Variants in USH2A observed in about 807,000 individuals in gnomAD.
USH2A encodes the protein Usher syndrome 2A (autosomal recessive, mild).
USH2A carries 443 observed loss-of-function variants against 538.9 expected under a neutral mutation model. The ratio of observed to expected loss-of-function variants is 0.82; its 90% CI spans 0.76 to 0.89. The LOEUF (loss-of-function observed/expected upper bound fraction) is 0.89. Ranked by LOEUF, USH2A falls within the 40% of genes least tolerant of loss-of-function variation. The probability of loss-of-function intolerance (pLI) is 0.00; values close to 1 mark genes in which losing one functional copy is unlikely to be tolerated. For missense variants in USH2A, 6,633 were observed against 6,324.8 expected (o/e 1.05, Z -1.65); for synonymous variants, 2,413 against 2,273.5 (o/e 1.06, Z -1.75).
chr1:215,913,171 A>G (rs1419149507), intron 38 of USH2A, among the ~76,000 whole-genome samples: 1 of 152,122 alleles, frequency 6.6e-6, no homozygotes, highest in Non-Finnish European at 1.5e-5. Context: ...CTCCCTTGCC[A>G]GGCATCGTGC....
At chr1:215,954,218 A>T (rs1483238539) in intron 37 of USH2A, among the ~76,000 whole-genome samples, 1 of 152,148 alleles carries the variant, frequency 6.6e-6, no homozygotes, top group Non-Finnish European at 1.5e-5. Context: ...TACTGGGTAT[A>T]TACCCAAGGG....
chr1:215,872,671 C>T (rs1285999603), intron 43 of USH2A, among the ~76,000 whole-genome samples: 4 of 152,002 alleles, frequency 2.6e-5, no homozygotes, highest in Non-Finnish European at 5.9e-5. Flanking sequence ...GGATATTTGT[C>T]CCCTCCAAAT....
intron 40 of USH2A, among the ~76,000 whole-genome samples, chr1:215,893,838 G>A (rs562511571): frequency 2.6e-4 from 40 of 152,172 alleles, no homozygotes; most frequent in African/African-American, 9.6e-4. Context: ...AAAGGATTCC[G>A]TATTGGTCAT....
At chr1:216,063,954 CA>C (rs2031265190) in intron 30 of USH2A, among the ~76,000 whole-genome samples, 1 of 152,180 alleles carries the variant, frequency 6.6e-6, no homozygotes, top group African/African-American at 2.4e-5. Flanking sequence ...AAAGATTAAT[CA>C]AAACGAAATA....
chr1:216,225,851 C>T (rs145442079), intron 14 of USH2A, among the ~76,000 whole-genome samples: 360 of 152,062 alleles, frequency 2.4e-3, no homozygotes, highest in African/African-American at 8.3e-3. Context: ...ATGAAATGCA[C>T]GAGGGACTTG....
chr1:216,057,612 G>C (rs982337855), intron 30 of USH2A, among the ~76,000 whole-genome samples: 1 of 152,058 alleles, frequency 6.6e-6, no homozygotes, highest in Non-Finnish European at 1.5e-5. Flanking sequence ...GCTTGAACCC[G>C]GGCGGCGCAG....
At position 216,019,786 on chromosome 1, in the gene USH2A, G is replaced by A. The variant is rs79032892; in HGVS notation, c.6326-19224C>T. Among the ~76,000 whole-genome samples, 949 of 152,220 alleles carry A rather than the reference G, an allele frequency of 6.2e-3. 14 individuals are homozygous for A. The highest frequency in any genetic ancestry group is 0.021 in the African/African-American group (891 of 41,532). ...TGAGCAAGTACTCCTTAATAGCTTT[G>A]AATATAAGAAGACAGCGGGTAGGAT... On this transcript the variant is annotated intron_variant, in intron 32 of 71. Coordinates refer to ENST00000307340, the MANE Select transcript of USH2A (RefSeq NM_206933.4).
intron 12 of USH2A, among the ~76,000 whole-genome samples, chr1:216,247,443 T>G (rs1426041775): frequency 2.6e-5 from 4 of 152,210 alleles, no homozygotes; most frequent in Non-Finnish European, 5.9e-5. Context: ...TCATAAATTT[T>G]TAATTATTAC....
chr1:216,155,569 A>T (rs2033921296), intron 21 of USH2A, among the ~76,000 whole-genome samples: 2 of 152,174 alleles, frequency 1.3e-5, no homozygotes. Flanking sequence ...ACTTATCAGC[A>T]GCACCCATTC....
At chr1:215,921,876 T>C (rs1430670684) in intron 38 of USH2A, among the ~76,000 whole-genome samples, 2 of 152,098 alleles carry the variant, frequency 1.3e-5, no homozygotes, top group South Asian at 4.1e-4. Context: ...CACCTGCACC[T>C]AGTATTAATA....
intron 3 of USH2A, among the ~76,000 whole-genome samples, chr1:216,366,658 C>T (rs552208113): frequency 1.4e-4 from 21 of 151,946 alleles, no homozygotes; most frequent in Non-Finnish European, 1.9e-4. Flanking sequence ...CTTGGTAATA[C>T]GGATTATTTC....
intron 21 of USH2A, among the ~76,000 whole-genome samples, chr1:216,099,899 G>A (rs2032536534): frequency 6.6e-6 from 1 of 152,096 alleles, no homozygotes; most frequent in Admixed American, 6.5e-5. Flanking sequence ...AATCTTAGAA[G>A]AGAAGACGAT....
At chr1:216,103,760 G>A (rs951550195) in intron 21 of USH2A, among the ~76,000 whole-genome samples, 4 of 152,090 alleles carry the variant, frequency 2.6e-5, no homozygotes, top group African/African-American at 9.7e-5. Flanking sequence ...ACAATCACTT[G>A]ACTAAAAATT....
chr1:216,400,845 C>T (rs1485576569), intron 3 of USH2A, among the ~76,000 whole-genome samples: 4 of 152,024 alleles, frequency 2.6e-5, no homozygotes, highest in Admixed American at 2.6e-4. Flanking sequence ...GCAAAAATAT[C>T]CTTTCGGAAT....
intron 38 of USH2A, among the ~76,000 whole-genome samples, chr1:215,926,423 T>C (rs1476286484): frequency 3.3e-5 from 5 of 152,016 alleles, no homozygotes; most frequent in East Asian, 1.9e-4. Flanking sequence ...CCCTAATCAA[T>C]TGAAGGGATA....
At chr1:215,776,292 T>C (rs1009007167) in intron 55 of USH2A, among the ~76,000 whole-genome samples, 4 of 152,202 alleles carry the variant, frequency 2.6e-5, no homozygotes, top group Middle Eastern at 6.3e-3. Flanking sequence ...CTCAGTGAGA[T>C]AGCAGAAAAC....
At chr1:216,100,453 A>G (rs992640239) in intron 21 of USH2A, among the ~76,000 whole-genome samples, 4 of 152,152 alleles carry the variant, frequency 2.6e-5, no homozygotes, top group Admixed American at 2.6e-4. Context: ...TTCTCTCCTT[A>G]TGGTTCAGAG....
intron 61 of USH2A, among the ~76,000 whole-genome samples, chr1:215,706,123 G>A (rs57472918): frequency 0.18 from 27,079 of 152,134 alleles, 2,784 homozygotes; most frequent in East Asian, 0.41. Context: ...TAATTGTAAG[G>A]GGAAGAACCA....
At chr1:215,932,739 A>T (rs946467056) in intron 38 of USH2A, among the ~76,000 whole-genome samples, 2 of 152,066 alleles carry the variant, frequency 1.3e-5, no homozygotes, top group African/African-American at 4.8e-5. Context: ...AGGCCCAGAG[A>T]GTGTGGGCCT....
Sources: allele counts gnomAD v4.1 joint callset (sites outside exome capture counted in the v4.1 genomes callset), GRCh38; gene constraint gnomAD v4.1.1; transcripts MANE v1.5; gene names NCBI Gene and HGNC (gene_info 2026-07-23, HGNC 2026-07-21).